DCC: variants seen among roughly 807,000 people sequenced by gnomAD.
DCC encodes the protein DCC netrin 1 receptor, also known as netrin receptor DCC.
A neutral mutation model predicts 172.5 loss-of-function variants in DCC; 58 were observed. That is an observed-to-expected ratio of 0.34 (90% CI 0.27 to 0.42). DCC has a LOEUF of 0.42. Among genes scored for constraint, DCC ranks in the 10% least tolerant of loss-of-function variants. The pLI, the probability that DCC is intolerant of heterozygous loss-of-function variation, is 1.00. For missense variants in DCC, 1,740 were observed against 1,791.0 expected, an observed-to-expected ratio of 0.97 and a Z score of 0.51; for synonymous variants, 709 against 644.5, an observed-to-expected ratio of 1.10 and a Z score of -1.52.
At chr18:53,391,046 T>C (rs1029810330) in intron 16 of DCC, among the ~76,000 whole-genome samples, 2 of 152,210 alleles carry the variant, frequency 1.3e-5, no homozygotes, top group Non-Finnish European at 2.9e-5. Flanking sequence ...CTGGTCACTC[T>C]GGTTTTGTGC....
intron 15 of DCC, among the ~76,000 whole-genome samples, chr18:53,358,809 C>T (rs1201461561): frequency 6.6e-6 from 1 of 152,102 alleles, no homozygotes; most frequent in Non-Finnish European, 1.5e-5. Context: ...CGTGAGCCAC[C>T]ACACCCAGCC....
At chr18:53,311,365 C>T (rs373055805) in intron 13 of DCC, among the ~76,000 whole-genome samples, 7 of 152,198 alleles carry the variant, frequency 4.6e-5, no homozygotes, top group African/African-American at 1.7e-4. Context: ...TCAGGTGATC[C>T]GCTCTCCTTG....
chr18:53,358,852 C>A (rs1334577930), intron 15 of DCC, among the ~76,000 whole-genome samples: 2 of 151,980 alleles, frequency 1.3e-5, no homozygotes, highest in Non-Finnish European at 2.9e-5. Flanking sequence ...TTCTAGGCTA[C>A]CAAAGACCTA....
Position 53,530,744 on chromosome 18 carries a change from A to G in DCC, c.*91A>G. ...CAGCACACCTGTGTCCAAGAACTCT[A>G]ACCAGTGTACAGGTCACCCATCAGG... On this transcript the variant is annotated 3_prime_UTR_variant, in exon 29 of 29. Coordinates refer to ENST00000442544, the MANE Select transcript of DCC (RefSeq NM_005215.4). 1.3e-6 allele frequency: 1 copy of G among 793,776 alleles called. No homozygotes were observed. Among genetic ancestry groups the G allele is most frequent in the Non-Finnish European group, 2.3e-6 (1 of 435,302 alleles). The allele number at this position is 793,776 out of a possible 1,614,324, so 49.2% of individuals were successfully genotyped here. A position where few individuals can be genotyped will look rare whatever the true frequency, so the allele number is the denominator to read the frequency against.
intron 8 of DCC, among the ~76,000 whole-genome samples, chr18:53,170,151 T>C (rs1302749419): frequency 6.6e-6 from 1 of 152,160 alleles, no homozygotes; most frequent in Non-Finnish European, 1.5e-5. Flanking sequence ...AGCAATTAGA[T>C]GTCACCCCAT....
At chr18:52,466,476 C>T (rs1041933542) in intron 1 of DCC, among the ~76,000 whole-genome samples, 2 of 152,050 alleles carry the variant, frequency 1.3e-5, no homozygotes, top group Admixed American at 6.6e-5. Flanking sequence ...GTGGGTACTA[C>T]TTCAGGGGAT....
intron 2 of DCC, among the ~76,000 whole-genome samples, chr18:52,793,364 C>A (rs892832725): frequency 3.3e-5 from 5 of 152,134 alleles, no homozygotes; most frequent in African/African-American, 1.2e-4. Context: ...TGAGGCTCAA[C>A]TTTACAGGCT....
intron 1 of DCC, among the ~76,000 whole-genome samples, chr18:52,427,783 G>T (rs1248483120): frequency 6.7e-6 from 1 of 148,934 alleles, no homozygotes; most frequent in Non-Finnish European, 1.5e-5. Context: ...AGAAATCAGA[G>T]AATGAGGTAA....
rs115951965 is a variant in DCC at position 53,207,896 on chromosome 18, A to T, written c.1861+79A>T. The T allele has an allele frequency of 3.0e-6, 4 of 1,321,142 alleles. No individual in the cohort carries two copies. In the Admixed American group the frequency reaches 6.8e-5, roughly 22 times the overall value. 81.8% of individuals were successfully genotyped at this position (1,321,142 alleles called of 1,614,324 possible). A position where few individuals can be genotyped will look rare whatever the true frequency, so the allele number is the denominator to read the frequency against. Reference sequence around the variant, plus strand: ...AATGACATGATATTGCACATATATCATATATTCCATTTTCAAGGCTTCCTG... The same window carrying T: ...AATGACATGATATTGCACATATATCTTATATTCCATTTTCAAGGCTTCCTG... On this transcript the variant is annotated intron_variant, in intron 11 of 28. Coordinates refer to ENST00000442544, the MANE Select transcript of DCC (RefSeq NM_005215.4).
intron 5 of DCC, among the ~76,000 whole-genome samples, chr18:53,039,518 T>G (rs2042140749): frequency 6.6e-6 from 1 of 152,002 alleles, no homozygotes; most frequent in African/African-American, 2.4e-5. Context: ...TACTGCATAT[T>G]TGTGATTATT....
chr18:52,909,099 G>A (rs1415189222), intron 3 of DCC, among the ~76,000 whole-genome samples: 1 of 152,122 alleles, frequency 6.6e-6, no homozygotes, highest in Admixed American at 6.6e-5. Context: ...ATGAATGAAT[G>A]AATGAATGAA....
At chr18:52,939,982 A>G (rs929542919) in intron 5 of DCC, among the ~76,000 whole-genome samples, 2 of 152,164 alleles carry the variant, frequency 1.3e-5, no homozygotes, top group Non-Finnish European at 2.9e-5. Context: ...GACCAGCAGC[A>G]TTGACATCAT....
At chr18:53,054,547 G>T (rs954398002) in intron 5 of DCC, among the ~76,000 whole-genome samples, 4 of 151,934 alleles carry the variant, frequency 2.6e-5, no homozygotes, top group African/African-American at 9.7e-5. Context: ...ATTATCACAG[G>T]CTTGAACCTC....
chr18:52,540,597 CTTTTTTTTTTTTT>C (rs71175505), intron 1 of DCC, among the ~76,000 whole-genome samples: 5 of 67,492 alleles, frequency 7.4e-5, no homozygotes, highest in African/African-American at 2.7e-4. Flanking sequence ...ATTCAACTGC[CTTTTTTTTTTTTT>C]TTTTTTTTTT....
At chr18:53,033,801 T>C (rs2042056771) in intron 5 of DCC, among the ~76,000 whole-genome samples, 1 of 152,166 alleles carries the variant, frequency 6.6e-6, no homozygotes, top group Non-Finnish European at 1.5e-5. Context: ...TTCTCTATAA[T>C]GTAGTCTTAT....
chr18:53,386,612 T>G (rs1279942688), intron 16 of DCC, among the ~76,000 whole-genome samples: 2 of 152,134 alleles, frequency 1.3e-5, no homozygotes, highest in Admixed American at 1.3e-4. Flanking sequence ...TGGTTTGCAT[T>G]AGGCTGAGTG....
intron 2 of DCC, among the ~76,000 whole-genome samples, chr18:52,810,344 T>C (rs116192149): frequency 6.6e-4 from 100 of 152,298 alleles, no homozygotes; most frequent in African/African-American, 2.4e-3. Context: ...CAGGGACCCC[T>C]GGCTGGTGAT....
At chr18:53,470,876 C>G (rs2045687600) in intron 25 of DCC, among the ~76,000 whole-genome samples, 1 of 152,196 alleles carries the variant, frequency 6.6e-6, no homozygotes, top group African/African-American at 2.4e-5. Context: ...GTGGGGATTA[C>G]AATTCGAGAT....
At chr18:52,685,381 G>A (rs2035814648) in intron 1 of DCC, among the ~76,000 whole-genome samples, 1 of 152,108 alleles carries the variant, frequency 6.6e-6, no homozygotes, top group Non-Finnish European at 1.5e-5. Flanking sequence ...TGCAGTGGGT[G>A]GAATGACAGT....
Sources: allele counts gnomAD v4.1 joint callset (sites outside exome capture counted in the v4.1 genomes callset), GRCh38; gene constraint gnomAD v4.1.1; transcripts MANE v1.5; gene names NCBI Gene and HGNC (gene_info 2026-07-23, HGNC 2026-07-21).